The following IRAG1 variants were observed in gnomAD, a reference collection of about 807,000 sequenced individuals.
The protein encoded by IRAG1 is inositol 1,4,5-triphosphate receptor associated 1, also known as IP3R-associated cGMP kinase substrate.
IRAG1 carries 62 observed loss-of-function variants against 106.2 expected under a neutral mutation model. That is an observed-to-expected ratio of 0.58 (90% CI 0.48 to 0.72). IRAG1 has a LOEUF of 0.72. Among genes scored for constraint, IRAG1 ranks in the 30% least tolerant of loss-of-function variants. IRAG1 has a pLI of 0.00. For synonymous variants in IRAG1, 462 were observed against 443.9 expected (o/e 1.04, Z -0.51); for missense variants, 1,064 against 1,140.7 (o/e 0.93, Z 0.97).
intron 10 of IRAG1, among the ~76,000 whole-genome samples, chr11:10,611,916 T>G (rs1187165685): frequency 1.3e-5 from 2 of 151,006 alleles, no homozygotes; most frequent in East Asian, 4.0e-4. Flanking sequence ...AAAAACTGCC[T>G]GGGCTGCCTG....
At chr11:10,641,295 T>C (rs1387823546) in intron 2 of IRAG1, among the ~76,000 whole-genome samples, 1 of 152,246 alleles carries the variant, frequency 6.6e-6, no homozygotes, top group Non-Finnish European at 1.5e-5. Context: ...CGGGATTGAA[T>C]TAATGACTTT....
chr11:10,633,482 G>A (rs960112827), intron 3 of IRAG1, among the ~76,000 whole-genome samples: 5 of 152,170 alleles, frequency 3.3e-5, no homozygotes, highest in Non-Finnish European at 5.9e-5. Context: ...CTCTACCTGT[G>A]AGCCCATGTC....
At chr11:10,651,973 G>A in intron 2 of IRAG1, 52 bp downstream of exon 2, 1 of 1,508,908 alleles carries the variant, frequency 6.6e-7, no homozygotes, top group Non-Finnish European at 8.9e-7. Context: ...AGCCCAGGGT[G>A]CTTGGCTTGG....
chr11:10,586,397 T>C (rs1851996358), intron 18 of IRAG1, among the ~76,000 whole-genome samples: 1 of 151,364 alleles, frequency 6.6e-6, no homozygotes, highest in African/African-American at 2.4e-5. Context: ...CCACACCCTC[T>C]GGTTAAAGTT....
At chr11:10,623,308 T>C (rs1025543619) in intron 10 of IRAG1, among the ~76,000 whole-genome samples, 3 of 151,946 alleles carry the variant, frequency 2.0e-5, no homozygotes, top group Non-Finnish European at 4.4e-5. Flanking sequence ...TTCAGAACCA[T>C]TTTCCCCGCC....
chr11:10,685,146 T>G (rs1294410438), intron 1 of IRAG1, among the ~76,000 whole-genome samples: 1 of 152,172 alleles, frequency 6.6e-6, no homozygotes, highest in Non-Finnish European at 1.5e-5. Flanking sequence ...ACATAGACAT[T>G]CAGAATTGCA....
At chr11:10,644,603 T>A (rs1053927021) in intron 2 of IRAG1, among the ~76,000 whole-genome samples, 4 of 152,120 alleles carry the variant, frequency 2.6e-5, no homozygotes, top group African/African-American at 9.7e-5. Context: ...GTCGTGAGGT[T>A]GCTATGTGTA....
intron 15 of IRAG1, chr11:10,599,964 T>C (rs1853791950): frequency 6.6e-6 from 1 of 152,226 alleles, no homozygotes; most frequent in Non-Finnish European, 1.5e-5. Flanking sequence ...GAGGCTCAAA[T>C]TGCTAGCATG....
At chr11:10,588,343 T>G (rs1236517355) in intron 18 of IRAG1, among the ~76,000 whole-genome samples, 1 of 149,146 alleles carries the variant, frequency 6.7e-6, no homozygotes, top group African/African-American at 2.4e-5. Flanking sequence ...GAGGGAAACT[T>G]TTTTTTTTTT....
intron 1 of IRAG1, 98 bp from the exon 2 acceptor site, chr11:10,652,280 T>G: frequency 6.4e-7 from 1 of 1,552,952 alleles, no homozygotes; most frequent in Non-Finnish European, 8.7e-7. Flanking sequence ...AGAGCCGGCT[T>G]GAGTTTGCAT....
chr11:10,655,643 T>C (rs1029792576), intron 1 of IRAG1, among the ~76,000 whole-genome samples: 1 of 151,794 alleles, frequency 6.6e-6, no homozygotes, highest in African/African-American at 2.4e-5. Flanking sequence ...ACCCTGGGAG[T>C]CCCTGAAATC....
At position 10,626,221 on chromosome 11, in the gene IRAG1, C is replaced by A; in HGVS notation, c.1113G>T (p.Gly371=). 1 of 1,594,042 alleles carries A rather than the reference C, an allele frequency of 6.3e-7. No individual in the cohort carries two copies. Among genetic ancestry groups the A allele is most frequent in the Non-Finnish European group, 8.6e-7 (1 of 1,168,382 alleles). ...GCTCAGCTTTGGAGCCAGCCTCGGG[C>A]CCCATCGGCTCTCCAGCTGGGCCTC... ...QGRGPAGEPM[G]PEAGSKAELP... is the part of the protein sequence containing the mutation. The change falls in exon 9 of 21, where the codon GGG becomes GGT. Residue 371 remains glycine, a synonymous_variant. Transcript: ENST00000423302.
chr11:10,584,454 G>T (rs941744636), intron 18 of IRAG1, among the ~76,000 whole-genome samples: 2 of 150,930 alleles, frequency 1.3e-5, no homozygotes, highest in Non-Finnish European at 2.9e-5. Context: ...TGTGACCTTG[G>T]CCTAATGTGC....
At chr11:10,649,287 G>GAAGT (rs1207964315) in intron 2 of IRAG1, among the ~76,000 whole-genome samples, 1 of 152,224 alleles carries the variant, frequency 6.6e-6, no homozygotes, top group Non-Finnish European at 1.5e-5. Context: ...GGCAGTAAGG[G>GAAGT]AAGAGGGTAA....
At chr11:10,613,862 T>C (rs1009507283) in intron 10 of IRAG1, among the ~76,000 whole-genome samples, 1 of 152,154 alleles carries the variant, frequency 6.6e-6, no homozygotes, top group African/African-American at 2.4e-5. Context: ...ACAGCCCCTC[T>C]CAAGGCTAGC....
At chr11:10,645,994 A>C (rs1218886033) in intron 2 of IRAG1, among the ~76,000 whole-genome samples, 1 of 152,216 alleles carries the variant, frequency 6.6e-6, no homozygotes, top group Non-Finnish European at 1.5e-5. Flanking sequence ...CTAGATGAGG[A>C]AACTGGGGCA....
intron 10 of IRAG1, among the ~76,000 whole-genome samples, chr11:10,618,170 A>G (rs1855569714): frequency 6.6e-6 from 1 of 152,114 alleles, no homozygotes; most frequent in Admixed American, 6.5e-5. Context: ...CAAGCACTAG[A>G]AGATGCCTAC....
At chr11:10,605,816 A>T (rs1854426752) in intron 12 of IRAG1, among the ~76,000 whole-genome samples, 1 of 152,260 alleles carries the variant, frequency 6.6e-6, no homozygotes, top group African/African-American at 2.4e-5. Flanking sequence ...CAAGTCTATG[A>T]ATAATGCTCA....
intron 10 of IRAG1, among the ~76,000 whole-genome samples, chr11:10,620,373 C>T (rs1855744065): frequency 6.6e-6 from 1 of 151,562 alleles, no homozygotes; most frequent in African/African-American, 2.4e-5. Flanking sequence ...AATACAGCCC[C>T]CCCCAAAAGA....
Sources: allele counts gnomAD v4.1 joint callset (sites outside exome capture counted in the v4.1 genomes callset), GRCh38; gene constraint gnomAD v4.1.1; transcripts MANE v1.5; gene names NCBI Gene and HGNC (gene_info 2026-07-23, HGNC 2026-07-21).